The following BMPER variants were observed in gnomAD, a reference collection of about 807,000 sequenced individuals.
BMPER encodes the protein BMP binding endothelial regulator, also known as BMP-binding endothelial regulator protein.
A neutral mutation model predicts 87.3 loss-of-function variants in BMPER; 45 were observed. That is an observed-to-expected ratio of 0.52 (90% CI 0.41 to 0.66). The LOEUF is 0.66. BMPER is among the 30% of genes least tolerant of loss of function. BMPER has a pLI of 0.00. For synonymous variants in BMPER, 326 were observed against 316.2 expected, an observed-to-expected ratio of 1.03 and a Z score of -0.33; for missense variants, 784 against 867.5, an observed-to-expected ratio of 0.90 and a Z score of 1.21.
At chr7:34,091,301 T>G (rs1451481243) in intron 13 of BMPER, among the ~76,000 whole-genome samples, 1 of 152,236 alleles carries the variant, frequency 6.6e-6, no homozygotes, top group Non-Finnish European at 1.5e-5. Flanking sequence ...ATAATTAAAA[T>G]CAAGTCAATT....
chr7:33,981,705 C>A (rs879147762), intron 6 of BMPER, among the ~76,000 whole-genome samples: 1 of 152,192 alleles, frequency 6.6e-6, no homozygotes, highest in Non-Finnish European at 1.5e-5. Flanking sequence ...TCTTCTCTCT[C>A]TGCTACTTTC....
chr7:33,966,392 G>GAGA, intron 3 of BMPER, 87 bp from the exon 4 acceptor site: 1 of 1,179,882 alleles, frequency 8.5e-7, no homozygotes, highest in South Asian at 1.2e-5. Context: ...TCTGGGCTTA[G>GAGA]AGAACATAAC....
intron 6 of BMPER, among the ~76,000 whole-genome samples, chr7:33,983,097 G>A (rs572328881): frequency 5.1e-4 from 78 of 152,266 alleles, no homozygotes; most frequent in Middle Eastern, 6.8e-3. Context: ...AGTACTTTTA[G>A]CAAGTTCTTG....
intron 13 of BMPER, among the ~76,000 whole-genome samples, chr7:34,128,383 T>C (rs1033929099): frequency 6.6e-6 from 1 of 152,198 alleles, no homozygotes; most frequent in African/African-American, 2.4e-5. Flanking sequence ...ACAACCTATT[T>C]TGGCACATTG....
chr7:34,049,157 C>T (rs1001391254), intron 7 of BMPER, among the ~76,000 whole-genome samples: 7 of 152,156 alleles, frequency 4.6e-5, no homozygotes, highest in Non-Finnish European at 1.0e-4. Context: ...TGGAGAGTCT[C>T]AGCACAGGTC....
intron 6 of BMPER, among the ~76,000 whole-genome samples, chr7:34,008,730 C>T (rs1483603981): frequency 6.6e-6 from 1 of 151,970 alleles, no homozygotes; most frequent in Admixed American, 6.6e-5. Flanking sequence ...ATGGCAATGT[C>T]CCAATGTTTC....
chr7:34,109,508 T>C (rs1324261015), intron 13 of BMPER, among the ~76,000 whole-genome samples: 2 of 152,254 alleles, frequency 1.3e-5, no homozygotes, highest in Non-Finnish European at 2.9e-5. Flanking sequence ...AATTGAGATA[T>C]GAACTTCTAC....
chr7:34,087,577 A>G (rs1789250461), intron 13 of BMPER, among the ~76,000 whole-genome samples: 1 of 152,240 alleles, frequency 6.6e-6, no homozygotes, highest in Non-Finnish European at 1.5e-5. Context: ...AGATTCAGTA[A>G]GATTATGAAC....
chr7:34,139,611 A>G (rs868666270), intron 13 of BMPER, among the ~76,000 whole-genome samples: 3 of 152,230 alleles, frequency 2.0e-5, no homozygotes, highest in African/African-American at 7.2e-5. Flanking sequence ...ACCGCAATCC[A>G]CCACACCGAG....
At chr7:34,055,074 T>C in intron 8 of BMPER, 89 bp from the exon 9 acceptor site, 2 of 1,553,952 alleles carry the variant, frequency 1.3e-6, no homozygotes, top group African/African-American at 1.4e-5. Flanking sequence ...TTGACACAGA[T>C]AGTTATGAGT....
At chr7:34,103,252 T>C (rs1016197048) in intron 13 of BMPER, among the ~76,000 whole-genome samples, 4 of 152,102 alleles carry the variant, frequency 2.6e-5, no homozygotes, top group Non-Finnish European at 5.9e-5. Context: ...GCTGTGCCCT[T>C]ATTTTCAGTT....
intron 13 of BMPER, among the ~76,000 whole-genome samples, chr7:34,117,620 G>C (rs533537174): frequency 1.3e-5 from 2 of 152,214 alleles, no homozygotes; most frequent in East Asian, 3.9e-4. Context: ...TGATTGCCCT[G>C]TTTACTACTA....
chr7:33,957,875 G>A lies in BMPER; in HGVS notation c.320-8604G>A, dbSNP rs6970127. On this transcript the variant is annotated intron_variant, in intron 3 of 14. Transcript: ENST00000649409. ...TAATCAACCAGAAAGTTTACATTAA[G>A]TAATATGTTTTCTAAAGTATAAAAA... 2.5e-3 allele frequency among the ~76,000 whole-genome samples: 375 copies of A among 152,300 alleles called. 2 individuals carry two copies. The highest frequency in any genetic ancestry group is 8.5e-3 in the African/African-American group (354 of 41,556).
Position 34,037,996 on chromosome 7 carries a change from A to T in BMPER, c.577-8310A>T, listed in dbSNP as rs138883385. Among the ~76,000 whole-genome samples the T allele has an allele frequency of 2.1e-3, 326 of 152,242 alleles. 3 individuals are homozygous for T. Among genetic ancestry groups the T allele is most frequent in the African/African-American group, 6.4e-3 (265 of 41,546 alleles). On this transcript the variant is annotated intron_variant, in intron 6 of 14. Coordinates refer to ENST00000649409, the MANE Select transcript of BMPER (RefSeq NM_001365308.1). Reference sequence around the variant, plus strand: ...GTAGTCACATTAGGCCTGAAATATGACATTTGGGACTACACAGAGAAATTA... The same window carrying T: ...GTAGTCACATTAGGCCTGAAATATGTCATTTGGGACTACACAGAGAAATTA...
intron 6 of BMPER, among the ~76,000 whole-genome samples, chr7:34,032,694 C>T (rs1787560595): frequency 6.6e-6 from 1 of 152,106 alleles, no homozygotes; most frequent in Non-Finnish European, 1.5e-5. Context: ...AACACTGCTC[C>T]TTTCATTCTC....
intron 6 of BMPER, among the ~76,000 whole-genome samples, chr7:34,030,817 G>T (rs1274488146): frequency 6.6e-6 from 1 of 151,882 alleles, no homozygotes; most frequent in African/African-American, 2.4e-5. Flanking sequence ...TTGCCCAGCT[G>T]GTATCAAACT....
At chr7:33,942,263 A>G (rs1344001442) in intron 3 of BMPER, among the ~76,000 whole-genome samples, 3 of 152,206 alleles carry the variant, frequency 2.0e-5, no homozygotes, top group African/African-American at 7.2e-5. Context: ...CTTGCCCTGT[A>G]TAATAGTAGT....
At chr7:34,024,384 A>AAAATAT (rs1562695193) in intron 6 of BMPER, among the ~76,000 whole-genome samples, 4 of 23,434 alleles carry the variant, frequency 1.7e-4, no homozygotes, top group Admixed American at 8.3e-4. Flanking sequence ...AAAAAAAAAC[A>AAAATAT]ATATATATAT....
intron 3 of BMPER, among the ~76,000 whole-genome samples, chr7:33,943,122 C>T (rs1394090097): frequency 1.3e-5 from 2 of 151,930 alleles, no homozygotes; most frequent in Non-Finnish European, 2.9e-5. Context: ...AAAAGTTAAA[C>T]AAGAAAGGAG....
Sources: gnomAD v4.1 joint callset for allele counts (sites outside exome capture counted in the v4.1 genomes callset) on GRCh38, gnomAD v4.1.1 for gene constraint, MANE v1.5 for transcripts, NCBI Gene and HGNC (gene_info 2026-07-23, HGNC 2026-07-21) for gene names.